The following NTNG1 variants were observed in gnomAD, a reference collection of about 807,000 sequenced individuals.
NTNG1 encodes the protein netrin G1.
A neutral mutation model predicts 54.0 loss-of-function variants in NTNG1; 16 were observed. That is an observed-to-expected ratio of 0.30 (90% CI 0.20 to 0.45). NTNG1 has a LOEUF of 0.45. Ranked by LOEUF, NTNG1 falls within the 20% of genes least tolerant of loss-of-function variation. The pLI, the probability that NTNG1 is intolerant of heterozygous loss-of-function variation, is 1.00. For synonymous variants in NTNG1, 255 were observed against 263.1 expected, an observed-to-expected ratio of 0.97 and a Z score of 0.30; for missense variants, 530 against 678.7, an observed-to-expected ratio of 0.78 and a Z score of 2.43.
At chr1:107,144,971 A>G (rs1654000697) in intron 1 of NTNG1, among the ~76,000 whole-genome samples, 1 of 152,030 alleles carries the variant, frequency 6.6e-6, no homozygotes, top group African/African-American at 2.4e-5. Context: ...ATCTGTTCTT[A>G]TTTAGGTGAT....
chr1:107,345,972 G>A (rs1406800644), intron 3 of NTNG1, among the ~76,000 whole-genome samples: 1 of 152,096 alleles, frequency 6.6e-6, no homozygotes, highest in Non-Finnish European at 1.5e-5. Flanking sequence ...AGGCCCTAAT[G>A]TATCAGAAAA....
intron 2 of NTNG1, among the ~76,000 whole-genome samples, chr1:107,229,317 T>G (rs1036916233): frequency 3.5e-4 from 52 of 148,642 alleles, no homozygotes; most frequent in Non-Finnish European, 7.3e-4. Context: ...CATTTTCTCA[T>G]CAAGTATGCC....
intron 2 of NTNG1, among the ~76,000 whole-genome samples, chr1:107,223,480 G>T (rs926953499): frequency 6.6e-6 from 1 of 151,978 alleles, no homozygotes; most frequent in African/African-American, 2.4e-5. Flanking sequence ...GAGGGCAATG[G>T]GTGTTCCTTA....
At chr1:107,475,805 T>C (rs777620239) in intron 7 of NTNG1, among the ~76,000 whole-genome samples, 5 of 152,144 alleles carry the variant, frequency 3.3e-5, no homozygotes, top group African/African-American at 4.8e-5. Context: ...TGCAGGATGT[T>C]AGCAACATTC....
At chr1:107,232,918 C>T (rs183062385) in intron 2 of NTNG1, among the ~76,000 whole-genome samples, 262 of 152,280 alleles carry the variant, frequency 1.7e-3, no homozygotes, top group African/African-American at 6.2e-3. Flanking sequence ...AAATATTGGA[C>T]TTTATTTTAT....
chr1:107,374,850 A>G (rs1244841842), intron 3 of NTNG1, among the ~76,000 whole-genome samples: 2 of 150,586 alleles, frequency 1.3e-5, no homozygotes, highest in South Asian at 2.1e-4. Context: ...TTTTTCTGTG[A>G]TTTATTAAGT....
chr1:107,217,359 T>C (rs547432367), intron 2 of NTNG1, among the ~76,000 whole-genome samples: 1 of 152,182 alleles, frequency 6.6e-6, no homozygotes. Flanking sequence ...ATCTCGCTAA[T>C]GGTCTATTAA....
intron 2 of NTNG1, among the ~76,000 whole-genome samples, chr1:107,238,647 A>T (rs1208554164): frequency 6.6e-6 from 1 of 152,072 alleles, no homozygotes; most frequent in Non-Finnish European, 1.5e-5. Flanking sequence ...AGTCTCATGA[A>T]ATCTGATGGC....
chr1:107,299,344 A>G (rs1421733177), intron 2 of NTNG1, among the ~76,000 whole-genome samples: 1 of 152,204 alleles, frequency 6.6e-6, no homozygotes, highest in Non-Finnish European at 1.5e-5. Context: ...TAAAATAAAA[A>G]TTGTAATAAC....
At chr1:107,261,083 A>G (rs1463895063) in intron 2 of NTNG1, 1 of 152,208 alleles carries the variant, frequency 6.6e-6, no homozygotes, top group Non-Finnish European at 1.5e-5. Flanking sequence ...AGTGCTGTTG[A>G]TATTACTCGT....
chr1:107,329,900 A>G (rs916630796), intron 3 of NTNG1, among the ~76,000 whole-genome samples: 6 of 152,070 alleles, frequency 3.9e-5, no homozygotes, highest in African/African-American at 1.4e-4. Flanking sequence ...TATAAACAAC[A>G]ACGACAAAAA....
intron 4 of NTNG1, among the ~76,000 whole-genome samples, chr1:107,407,169 A>G (rs1673481799): frequency 3.3e-5 from 5 of 152,196 alleles, no homozygotes. Context: ...TGATGGTTAT[A>G]TGAAATTAAT....
intron 3 of NTNG1, among the ~76,000 whole-genome samples, chr1:107,361,376 T>C (rs12751282): frequency 2.2e-5 from 1 of 45,960 alleles, no homozygotes; most frequent in African/African-American, 5.3e-5. Flanking sequence ...TATATATACA[T>C]ATATATATAT....
chr1:107,331,523 C>T (rs1157738119), intron 3 of NTNG1, among the ~76,000 whole-genome samples: 1 of 152,032 alleles, frequency 6.6e-6, no homozygotes, highest in East Asian at 1.9e-4. Context: ...TCTTATTTTT[C>T]CATGGGGAGA....
At chr1:107,440,345 T>C (rs1675890755) in intron 7 of NTNG1, among the ~76,000 whole-genome samples, 3 of 152,162 alleles carry the variant, frequency 2.0e-5, no homozygotes, top group African/African-American at 4.8e-5. Flanking sequence ...ACAGTGAATA[T>C]GCTCTTTGAG....
chr1:107,455,504 GTTC>G (rs1676896677), intron 7 of NTNG1: 2 of 405,428 alleles, frequency 4.9e-6, no homozygotes, highest in South Asian at 1.7e-5. Flanking sequence ...CAGCAGGCTT[GTTC>G]TTCTTCAACA....
chr1:107,342,106 A>G (rs1478623298), intron 3 of NTNG1, among the ~76,000 whole-genome samples: 1 of 152,140 alleles, frequency 6.6e-6, no homozygotes, highest in African/African-American at 2.4e-5. Flanking sequence ...GTCGTATTTT[A>G]TATACATTTT....
chr1:107,350,536 C>T (rs1468798603), intron 3 of NTNG1, among the ~76,000 whole-genome samples: 1 of 152,202 alleles, frequency 6.6e-6, no homozygotes, highest in Non-Finnish European at 1.5e-5. Context: ...GAGATATCTG[C>T]ACTCCCTTGT....
intron 2 of NTNG1, among the ~76,000 whole-genome samples, chr1:107,150,859 C>T (rs773667788): frequency 2.0e-5 from 3 of 152,214 alleles, no homozygotes; most frequent in Non-Finnish European, 2.9e-5. Context: ...CAAGTCCATT[C>T]CTCTCAGTCC....
Sources: allele counts gnomAD v4.1 joint callset (sites outside exome capture counted in the v4.1 genomes callset), GRCh38; gene constraint gnomAD v4.1.1; transcripts MANE v1.5; gene names NCBI Gene and HGNC (gene_info 2026-07-23, HGNC 2026-07-21).